The following AGBL4 variants were observed in gnomAD, a reference collection of about 807,000 sequenced individuals.
The protein encoded by AGBL4 is cytosolic carboxypeptidase 6.
A neutral mutation model predicts 66.4 loss-of-function variants in AGBL4; 58 were observed. The ratio of observed to expected loss-of-function variants is 0.87; its 90% CI spans 0.71 to 1.09. The LOEUF (loss-of-function observed/expected upper bound fraction) is 1.09, where lower values mean the gene tolerates loss of function less well. AGBL4 is among the 50% of genes least tolerant of loss of function. The probability of loss-of-function intolerance (pLI) is 0.00; values close to 1 mark genes in which losing one functional copy is unlikely to be tolerated. For synonymous variants in AGBL4, 234 were observed against 222.9 expected (o/e 1.05, Z -0.44); for missense variants, 579 against 631.0 (o/e 0.92, Z 0.88).
chr1:49,654,570 AG>A (rs1646079178), intron 3 of AGBL4, among the ~76,000 whole-genome samples: 1 of 152,156 alleles, frequency 6.6e-6, no homozygotes, highest in African/African-American at 2.4e-5. Context: ...GTCTCTTTGT[AG>A]GTCTCTAAGG....
At chr1:49,348,089 G>C (rs1645672169) in intron 3 of AGBL4, among the ~76,000 whole-genome samples, 1 of 151,968 alleles carries the variant, frequency 6.6e-6, no homozygotes, top group African/African-American at 2.4e-5. Flanking sequence ...TGGACTATTT[G>C]AGTGGGCCCT....
At chr1:48,899,828 A>C (rs1217281913) in intron 5 of AGBL4, among the ~76,000 whole-genome samples, 2 of 152,248 alleles carry the variant, frequency 1.3e-5, no homozygotes, top group African/African-American at 2.4e-5. Flanking sequence ...TTCTGCCTTC[A>C]TCTAGCATTT....
chr1:48,735,231 C>T (rs1396802351), intron 6 of AGBL4, among the ~76,000 whole-genome samples: 5 of 152,200 alleles, frequency 3.3e-5, no homozygotes, highest in Non-Finnish European at 2.9e-5. Context: ...ACACCATGGT[C>T]TGTCTCTATA....
chr1:48,829,879 A>AT lies in AGBL4; in HGVS notation c.634+37311dup, dbSNP rs897743858. On this transcript the variant is annotated intron_variant, in intron 6 of 13. Coordinates refer to ENST00000371839, the MANE Select transcript of AGBL4 (RefSeq NM_032785.4). ...TCCACCAGCTTAATTATCAAAATAC[A>AT]TTTTTTTTCATAAAACTATTAACAT... is the stretch of plus-strand genomic sequence containing the variant. Among the ~76,000 whole-genome samples, 17 of 152,046 alleles carry AT rather than the reference A, an allele frequency of 1.1e-4. No homozygotes were observed. In the East Asian group the frequency reaches 2.1e-3, roughly 19 times the overall value.
chr1:49,953,259 T>C (rs1656313749), intron 1 of AGBL4, among the ~76,000 whole-genome samples: 1 of 151,940 alleles, frequency 6.6e-6, no homozygotes, highest in South Asian at 2.1e-4. Flanking sequence ...ATTGATCATA[T>C]CATTTCCTAA....
chr1:48,819,864 C>T (rs529830378), intron 6 of AGBL4, among the ~76,000 whole-genome samples: 1 of 152,236 alleles, frequency 6.6e-6, no homozygotes, highest in South Asian at 2.1e-4. Flanking sequence ...GATCTTGCCA[C>T]CTAAGAAAGC....
At chr1:49,611,406 G>A (rs369794216) in intron 3 of AGBL4, among the ~76,000 whole-genome samples, 6 of 133,180 alleles carry the variant, frequency 4.5e-5, no homozygotes, top group Admixed American at 1.8e-4. Context: ...AGATGGAGTC[G>A]CACTCTGTTG....
At chr1:49,045,828 G>A in intron 4 of AGBL4, 28 bp from the exon 5 acceptor site, 4 of 1,523,908 alleles carry the variant, frequency 2.6e-6, no homozygotes, top group Non-Finnish European at 3.6e-6. Context: ...AGAAATTTGG[G>A]CATATGAGAC....
At chr1:49,749,029 A>G (rs1251516898) in intron 2 of AGBL4, among the ~76,000 whole-genome samples, 4 of 152,076 alleles carry the variant, frequency 2.6e-5, no homozygotes, top group African/African-American at 9.7e-5. Flanking sequence ...CCATTTATCA[A>G]TTTTGGCTTT....
intron 6 of AGBL4, among the ~76,000 whole-genome samples, chr1:48,820,622 T>C (rs1326207053): frequency 6.6e-6 from 1 of 152,164 alleles, no homozygotes; most frequent in East Asian, 1.9e-4. Context: ...AACCAGCTTT[T>C]TCCCTGCCTT....
At chr1:49,052,559 A>T (rs1032135103) in intron 4 of AGBL4, among the ~76,000 whole-genome samples, 2 of 152,094 alleles carry the variant, frequency 1.3e-5, no homozygotes, top group Non-Finnish European at 2.9e-5. Context: ...CAAAACTGTC[A>T]TTTGCTGGGG....
chr1:49,575,477 T>C (rs934631003), intron 3 of AGBL4, among the ~76,000 whole-genome samples: 4 of 152,094 alleles, frequency 2.6e-5, no homozygotes, highest in Non-Finnish European at 4.4e-5. Context: ...TCAGAAACAA[T>C]ATCAATCCCT....
chr1:48,625,850 G>A (rs1645494226), intron 9 of AGBL4, among the ~76,000 whole-genome samples: 1 of 152,100 alleles, frequency 6.6e-6, no homozygotes. Flanking sequence ...GCTTTCTGCT[G>A]GAGTCAAAGT....
At chr1:49,575,118 C>A (rs1398484759) in intron 3 of AGBL4, among the ~76,000 whole-genome samples, 1 of 152,134 alleles carries the variant, frequency 6.6e-6, no homozygotes, top group Non-Finnish European at 1.5e-5. Flanking sequence ...AACTGTGCAA[C>A]TGGGGAAAGG....
chr1:49,602,265 C>T (rs1001239323), intron 3 of AGBL4, among the ~76,000 whole-genome samples: 1 of 152,106 alleles, frequency 6.6e-6, no homozygotes, highest in Non-Finnish European at 1.5e-5. Flanking sequence ...ATTAGTTCAA[C>T]CATTGTGGAG....
At chr1:49,254,375 CA>C (rs1177446107) in intron 3 of AGBL4, among the ~76,000 whole-genome samples, 1 of 152,062 alleles carries the variant, frequency 6.6e-6, no homozygotes, top group African/African-American at 2.4e-5. Flanking sequence ...ACAAAACAGT[CA>C]ATCCATAAGC....
intron 3 of AGBL4, among the ~76,000 whole-genome samples, chr1:49,334,043 AT>A (rs1008573154): frequency 3.9e-5 from 6 of 152,116 alleles, no homozygotes; most frequent in African/African-American, 1.4e-4. Flanking sequence ...AGACACTATC[AT>A]CTGTTGCTTG....
intron 6 of AGBL4, among the ~76,000 whole-genome samples, chr1:48,676,456 G>T (rs1646367016): frequency 6.6e-6 from 1 of 152,254 alleles, no homozygotes; most frequent in African/African-American, 2.4e-5. Flanking sequence ...CACTCTTCTT[G>T]TCCATAGAAT....
At chr1:48,704,564 T>A (rs532648040) in intron 6 of AGBL4, among the ~76,000 whole-genome samples, 3 of 152,018 alleles carry the variant, frequency 2.0e-5, no homozygotes, top group African/African-American at 4.8e-5. Context: ...AATTGTTAAG[T>A]TTTTTTTACT....
Sources: allele counts gnomAD v4.1 joint callset (sites outside exome capture counted in the v4.1 genomes callset), GRCh38; gene constraint gnomAD v4.1.1; transcripts MANE v1.5; gene names NCBI Gene and HGNC (gene_info 2026-07-23, HGNC 2026-07-21).